The following NKAIN2 variants were observed in gnomAD, a reference collection of about 807,000 sequenced individuals.
The protein encoded by NKAIN2 is sodium/potassium-transporting ATPase subunit beta-1-interacting protein 2.
NKAIN2 carries 14 observed loss-of-function variants against 32.6 expected under a neutral mutation model. The ratio of observed to expected loss-of-function variants is 0.43; its 90% CI spans 0.28 to 0.67. The LOEUF is 0.67. Ranked by LOEUF, NKAIN2 falls within the 30% of genes least tolerant of loss-of-function variation. NKAIN2 has a pLI of 0.17. For missense variants in NKAIN2, 198 were observed against 258.3 expected (o/e 0.77, Z 1.60); for synonymous variants, 80 against 87.2 (o/e 0.92, Z 0.46).
At chr6:124,443,535 C>T (rs1040522715) in intron 3 of NKAIN2, among the ~76,000 whole-genome samples, 7 of 152,050 alleles carry the variant, frequency 4.6e-5, no homozygotes, top group Admixed American at 3.9e-4. Flanking sequence ...CAGTAGTTTA[C>T]TGTCATTGAC....
intron 1 of NKAIN2, among the ~76,000 whole-genome samples, chr6:124,257,005 A>G (rs1793978365): frequency 6.7e-6 from 1 of 148,524 alleles, no homozygotes; most frequent in Non-Finnish European, 1.5e-5. Flanking sequence ...TATGCCTGAG[A>G]TCTCTGATGG....
At chr6:124,348,289 G>A (rs562345492) in intron 2 of NKAIN2, among the ~76,000 whole-genome samples, 1 of 152,010 alleles carries the variant, frequency 6.6e-6, no homozygotes, top group Non-Finnish European at 1.5e-5. Flanking sequence ...GGGGTCAGGG[G>A]CCCACTTGAG....
chr6:124,786,489 A>T (rs192243048), intron 4 of NKAIN2, among the ~76,000 whole-genome samples: 9 of 152,254 alleles, frequency 5.9e-5, no homozygotes, highest in Admixed American at 3.9e-4. Flanking sequence ...TTTTTCTATT[A>T]GCTTCTAAGT....
chr6:124,179,887 C>A (rs1170134450), intron 1 of NKAIN2, among the ~76,000 whole-genome samples: 4 of 152,152 alleles, frequency 2.6e-5, no homozygotes, highest in Non-Finnish European at 5.9e-5. Context: ...TTAACTATGT[C>A]TAATTTTGGC....
chr6:124,629,069 T>C (rs1407345834), intron 3 of NKAIN2, among the ~76,000 whole-genome samples: 1 of 152,122 alleles, frequency 6.6e-6, no homozygotes, highest in Non-Finnish European at 1.5e-5. Flanking sequence ...GGCTAAGTGA[T>C]GGGAAAGAGA....
intron 1 of NKAIN2, among the ~76,000 whole-genome samples, chr6:124,262,282 A>C (rs1794290109): frequency 6.6e-6 from 1 of 152,184 alleles, no homozygotes; most frequent in Non-Finnish European, 1.5e-5. Flanking sequence ...GCCGTCCTGG[A>C]AGAGCCCAAA....
chr6:124,270,382 T>A (rs1438387859), intron 1 of NKAIN2, among the ~76,000 whole-genome samples: 1 of 152,172 alleles, frequency 6.6e-6, no homozygotes, highest in Non-Finnish European at 1.5e-5. Flanking sequence ...TAATGATATA[T>A]GAGGCATATT....
At chr6:123,897,883 C>T (rs1774359385) in intron 1 of NKAIN2, among the ~76,000 whole-genome samples, 1 of 152,144 alleles carries the variant, frequency 6.6e-6, no homozygotes, top group Non-Finnish European at 1.5e-5. Flanking sequence ...TGGTTCTGTA[C>T]TGTAGCAAAA....
At chr6:124,525,792 T>C (rs932306647) in intron 3 of NKAIN2, among the ~76,000 whole-genome samples, 1 of 152,104 alleles carries the variant, frequency 6.6e-6, no homozygotes, top group African/African-American at 2.4e-5. Context: ...ATTGGAAGTG[T>C]TCTGAGAATG....
chr6:124,656,697 A>T (rs1784550618), intron 3 of NKAIN2, among the ~76,000 whole-genome samples: 1 of 152,080 alleles, frequency 6.6e-6, no homozygotes, highest in South Asian at 2.1e-4. Context: ...GTAAAGATTC[A>T]GCCATCACCC....
chr6:124,471,143 T>C (rs772808016), intron 3 of NKAIN2, among the ~76,000 whole-genome samples: 1 of 152,190 alleles, frequency 6.6e-6, no homozygotes, highest in Non-Finnish European at 1.5e-5. Flanking sequence ...GAAGGATTTT[T>C]GCTTTCCTTG....
At position 123,804,662 on chromosome 6, in the gene NKAIN2, T is replaced by C. The variant is rs528400436; in HGVS notation, c.54+408T>C. Among the ~76,000 whole-genome samples, 7 of 152,316 alleles carry C rather than the reference T, an allele frequency of 4.6e-5. 1 individual carries two copies. The South Asian group carries it at 1.5e-3, about 32-fold the overall frequency. Reference sequence around the variant, plus strand: ...TCTTCTCTATACTAATTTTGCAGTATCTTTGTTTCTTCATAGACATGTTTT... The same window carrying C: ...TCTTCTCTATACTAATTTTGCAGTACCTTTGTTTCTTCATAGACATGTTTT... On this transcript the variant is annotated intron_variant, in intron 1 of 6. Coordinates refer to ENST00000368417, the MANE Select transcript of NKAIN2 (RefSeq NM_001040214.3).
At chr6:124,779,811 C>A (rs1331598506) in intron 4 of NKAIN2, among the ~76,000 whole-genome samples, 2 of 152,168 alleles carry the variant, frequency 1.3e-5, no homozygotes, top group Non-Finnish European at 2.9e-5. Flanking sequence ...CAACCATAGA[C>A]TCATGAGTGA....
chr6:123,868,120 G>GCGTCT (rs1772666556), intron 1 of NKAIN2, among the ~76,000 whole-genome samples: 2 of 152,164 alleles, frequency 1.3e-5, no homozygotes, highest in African/African-American at 4.8e-5. Flanking sequence ...TGCCCACCTT[G>GCGTCT]GCCTCCCAAA....
At chr6:124,317,415 A>G (rs1390145935) in intron 2 of NKAIN2, among the ~76,000 whole-genome samples, 1 of 152,108 alleles carries the variant, frequency 6.6e-6, no homozygotes, top group Non-Finnish European at 1.5e-5. Context: ...TGGAGGGACT[A>G]GTTTAGACAT....
At chr6:123,935,182 A>G (rs1003028220) in intron 1 of NKAIN2, among the ~76,000 whole-genome samples, 19 of 147,850 alleles carry the variant, frequency 1.3e-4, no homozygotes, top group African/African-American at 4.7e-4. Context: ...TAAATATATT[A>G]AATAAATAAA....
intron 4 of NKAIN2, among the ~76,000 whole-genome samples, chr6:124,688,472 T>C (rs373306143): frequency 1.3e-5 from 2 of 152,102 alleles, no homozygotes; most frequent in East Asian, 1.9e-4. Flanking sequence ...TGAATCTGCA[T>C]TGAGACATCA....
intron 4 of NKAIN2, among the ~76,000 whole-genome samples, chr6:124,773,434 CAG>C (rs1049240084): frequency 6.6e-6 from 1 of 152,014 alleles, no homozygotes; most frequent in Admixed American, 6.6e-5. Flanking sequence ...AGAAAAGAAA[CAG>C]AAGGACACAG....
intron 3 of NKAIN2, among the ~76,000 whole-genome samples, chr6:124,559,552 C>T (rs1583438721): frequency 1.3e-5 from 2 of 152,294 alleles, no homozygotes; most frequent in South Asian, 4.1e-4. Flanking sequence ...TCATTCTAGA[C>T]AAGGAGATGA....
Sources: allele counts gnomAD v4.1 joint callset (sites outside exome capture counted in the v4.1 genomes callset), GRCh38; gene constraint gnomAD v4.1.1; transcripts MANE v1.5; gene names NCBI Gene and HGNC (gene_info 2026-07-23, HGNC 2026-07-21).